The following SLC35F1 variants were observed in gnomAD, a reference collection of about 807,000 sequenced individuals.
The protein encoded by SLC35F1 is solute carrier family 35 member F1, also known as chromosome 6 open reading frame 169.
Under a neutral mutation model 48.7 loss-of-function variants are expected in SLC35F1, and 14 were observed. The observed-to-expected ratio is 0.29, with a 90% CI of 0.19 to 0.45. The LOEUF is 0.45. SLC35F1 is among the 20% of genes least tolerant of loss of function. The pLI, the probability that SLC35F1 is intolerant of heterozygous loss-of-function variation, is 1.00. For synonymous variants in SLC35F1, 190 were observed against 202.2 expected (o/e 0.94, Z 0.51); for missense variants, 404 against 500.0 (o/e 0.81, Z 1.83).
chr6:118,255,212 G>A (rs1223040533), intron 3 of SLC35F1, among the ~76,000 whole-genome samples: 1 of 152,156 alleles, frequency 6.6e-6, no homozygotes, highest in Non-Finnish European at 1.5e-5. Context: ...TCCTGGCTCT[G>A]ACATTGCCAG....
At chr6:118,109,211 C>G (rs1022694968) in intron 1 of SLC35F1, among the ~76,000 whole-genome samples, 1 of 152,112 alleles carries the variant, frequency 6.6e-6, no homozygotes, top group Non-Finnish European at 1.5e-5. Flanking sequence ...TTCACCTACT[C>G]AGAGAGGAAA....
intron 1 of SLC35F1, among the ~76,000 whole-genome samples, chr6:118,152,236 G>A (rs1317277405): frequency 6.6e-6 from 1 of 152,162 alleles, no homozygotes; most frequent in Non-Finnish European, 1.5e-5. Flanking sequence ...TGCAGACACA[G>A]AAGACCATAT....
intron 1 of SLC35F1, among the ~76,000 whole-genome samples, chr6:117,984,125 C>A (rs1213369474): frequency 1.3e-5 from 2 of 152,028 alleles, no homozygotes; most frequent in Non-Finnish European, 2.9e-5. Context: ...AAATATATAA[C>A]CTCTATCTTC....
In SLC35F1 at chr6:118,007,858, G is replaced by A. The variant is rs528404315; in HGVS notation, c.173+99959G>A. 2.6e-5 allele frequency among the ~76,000 whole-genome samples: 4 copies of A among 152,144 alleles called. No homozygotes were observed. In the East Asian group the frequency reaches 5.8e-4, roughly 22 times the overall value. On this transcript the variant is annotated intron_variant, in intron 1 of 7. Coordinates refer to ENST00000360388, the MANE Select transcript of SLC35F1 (RefSeq NM_001029858.4). ...GTTGAGCTGCAGTTCTTGTCTGCAG[G>A]TGGGGCTGCATTTCTTTTCTGGAGC...
At chr6:118,093,056 GC>G (rs1462853792) in intron 1 of SLC35F1, among the ~76,000 whole-genome samples, 4 of 152,278 alleles carry the variant, frequency 2.6e-5, no homozygotes, top group Non-Finnish European at 5.9e-5. Context: ...GGTGGCTCAT[GC>G]CTGTAATCCC....
At chr6:117,988,676 G>A (rs755832051) in intron 1 of SLC35F1, among the ~76,000 whole-genome samples, 1 of 152,178 alleles carries the variant, frequency 6.6e-6, no homozygotes, top group Non-Finnish European at 1.5e-5. Context: ...TGAGGAATGT[G>A]CCAGCACAAA....
rs1775706052 is a variant in SLC35F1, at chr6:117,907,648, G to C, written c.-79G>C. On this transcript the variant is annotated 5_prime_UTR_variant, in exon 1 of 8. Coordinates refer to ENST00000360388, the MANE Select transcript of SLC35F1 (RefSeq NM_001029858.4). Reference sequence around the variant, plus strand: ...CCGCGGCCGCCCGGCCGGGTCCTCTGCGCGTTCCCGGGCCCGGAACCGGCA... The same window carrying C: ...CCGCGGCCGCCCGGCCGGGTCCTCTCCGCGTTCCCGGGCCCGGAACCGGCA... 2 of 855,928 alleles carry C rather than the reference G, an allele frequency of 2.3e-6. No individual in the cohort carries two copies. Among genetic ancestry groups the C allele is most frequent in the Non-Finnish European group, 1.7e-6 (1 of 604,696 alleles). The allele number at this position is 855,928 out of a possible 1,614,324, so 53.0% of individuals were successfully genotyped here.
At chr6:118,218,339 C>G (rs749237589) in intron 2 of SLC35F1, among the ~76,000 whole-genome samples, 3 of 152,146 alleles carry the variant, frequency 2.0e-5, no homozygotes, top group Non-Finnish European at 2.9e-5. Context: ...AGGCACCCTT[C>G]AGACTTCCAG....
intron 1 of SLC35F1, among the ~76,000 whole-genome samples, chr6:117,982,883 T>C (rs965973845): frequency 6.6e-6 from 1 of 152,152 alleles, no homozygotes; most frequent in African/African-American, 2.4e-5. Context: ...TTTTAAAATA[T>C]CAGCAAATTA....
chr6:118,097,654 G>A (rs1303266965), intron 1 of SLC35F1, among the ~76,000 whole-genome samples: 1 of 152,186 alleles, frequency 6.6e-6, no homozygotes, highest in African/African-American at 2.4e-5. Flanking sequence ...GCAGGAAATT[G>A]TATTCAAATC....
chr6:118,222,411 C>A (rs200295575), intron 2 of SLC35F1, among the ~76,000 whole-genome samples: 2 of 143,060 alleles, frequency 1.4e-5, no homozygotes, highest in African/African-American at 5.2e-5. Context: ...TTTTTTTTTT[C>A]TTTTTGGAAC....
At chr6:117,976,526 TA>T (rs530258316) in intron 1 of SLC35F1, among the ~76,000 whole-genome samples, 2,748 of 152,222 alleles carry the variant, frequency 0.018, 88 homozygotes, top group African/African-American at 0.062. Flanking sequence ...ATTTAGATGA[TA>T]AATAAAGAGT....
chr6:118,239,170 G>GTGGA (rs1331394715), intron 3 of SLC35F1, among the ~76,000 whole-genome samples: 1 of 150,644 alleles, frequency 6.6e-6, no homozygotes, highest in African/African-American at 2.5e-5. Context: ...CAAACTGTGA[G>GTGGA]CTCTTTCATA....
chr6:118,020,237 C>A (rs1177275019), intron 1 of SLC35F1, among the ~76,000 whole-genome samples: 1 of 152,180 alleles, frequency 6.6e-6, no homozygotes, highest in East Asian at 1.9e-4. Flanking sequence ...ACATGATATT[C>A]TTCATCTTTT....
intron 1 of SLC35F1, among the ~76,000 whole-genome samples, chr6:117,940,446 C>A (rs1030625046): frequency 2.0e-5 from 3 of 152,164 alleles, no homozygotes; most frequent in Admixed American, 1.3e-4. Flanking sequence ...GCATAACTGA[C>A]GTATAAAAAT....
intron 3 of SLC35F1, among the ~76,000 whole-genome samples, chr6:118,244,873 A>G: frequency 6.6e-6 from 1 of 152,212 alleles, no homozygotes; most frequent in East Asian, 1.9e-4. Context: ...AATATATCAA[A>G]CGTTTGAAAA....
chr6:117,926,520 G>A (rs1254218744), intron 1 of SLC35F1, among the ~76,000 whole-genome samples: 1 of 152,166 alleles, frequency 6.6e-6, no homozygotes, highest in East Asian at 1.9e-4. Flanking sequence ...GTTTGTGTTT[G>A]TGTGTACATG....
rs769688199 is a variant in SLC35F1, at chr6:118,275,460, G to A, written c.639G>A (p.Gly213=). 2 of 1,609,154 alleles carry A rather than the reference G, an allele frequency of 1.2e-6. No individual in the cohort carries two copies. Among genetic ancestry groups the A allele is most frequent in the African/African-American group, 2.7e-5 (2 of 74,694 alleles). The change falls in exon 5 of 8, where the codon GGG becomes GGA. Residue 213 remains glycine (G), a splice_region_variant and synonymous_variant. Coordinates refer to ENST00000360388, the MANE Select transcript of SLC35F1 (RefSeq NM_001029858.4). ...TTTGTTTGTTTGGTTGGTTCCTAGG[G>A]GAAAATAAGCTGGTAGGGGACCTTC... ...DVLVGRHQGA[G]ENKLVGDLLV... is the part of the protein sequence containing the mutation.
chr6:118,084,110 G>A (rs776929849), intron 1 of SLC35F1, among the ~76,000 whole-genome samples: 1 of 152,132 alleles, frequency 6.6e-6, no homozygotes, highest in Admixed American at 6.5e-5. Context: ...CTTGCCCAGG[G>A]TCACATGGCT....
Sources: gnomAD v4.1 joint callset for allele counts (sites outside exome capture counted in the v4.1 genomes callset) on GRCh38, gnomAD v4.1.1 for gene constraint, MANE v1.5 for transcripts, NCBI Gene and HGNC (gene_info 2026-07-23, HGNC 2026-07-21) for gene names.